FMNL2: variants seen among roughly 807,000 people sequenced by gnomAD.
The protein encoded by FMNL2 is formin like 2, also known as formin-like protein 2.
In FMNL2, 51 loss-of-function variants were observed where a neutral mutation model predicts 130.2. The observed-to-expected ratio is 0.39, with a 90% CI of 0.31 to 0.49. The LOEUF is 0.49. Ranked by LOEUF, FMNL2 falls within the 20% of genes least tolerant of loss-of-function variation. The pLI is 0.85. For synonymous variants in FMNL2, 465 were observed against 467.1 expected (o/e 1.00, Z 0.06); for missense variants, 977 against 1,316.2 (o/e 0.74, Z 3.99).
intron 6 of FMNL2, among the ~76,000 whole-genome samples, chr2:152,564,650 T>C (rs1487165645): frequency 1.3e-5 from 2 of 152,056 alleles, no homozygotes; most frequent in Non-Finnish European, 2.9e-5. Context: ...TGAGAATTGC[T>C]TGAACCTGGG....
At chr2:152,466,211 G>A (rs753675877) in intron 1 of FMNL2, among the ~76,000 whole-genome samples, 7 of 152,152 alleles carry the variant, frequency 4.6e-5, no homozygotes, top group Non-Finnish European at 7.3e-5. Context: ...GTCACTTGGC[G>A]CCTCCATCCG....
intron 1 of FMNL2, among the ~76,000 whole-genome samples, chr2:152,448,844 T>G (rs910586044): frequency 4.6e-5 from 7 of 152,254 alleles, no homozygotes; most frequent in Admixed American, 2.0e-4. Flanking sequence ...GATAGCTGAT[T>G]ACATGCGTGT....
intron 1 of FMNL2, among the ~76,000 whole-genome samples, chr2:152,469,526 T>C (rs1050016288): frequency 2.0e-5 from 3 of 152,364 alleles, no homozygotes; most frequent in Middle Eastern, 3.4e-3. Context: ...TTTGTTATTC[T>C]GCATGTTGCC....
chr2:152,521,172 AG>A (rs1693064738), intron 1 of FMNL2, among the ~76,000 whole-genome samples: 1 of 152,200 alleles, frequency 6.6e-6, no homozygotes, highest in African/African-American at 2.4e-5. Context: ...ATCCAAACCT[AG>A]TATCTTAAAA....
At chr2:152,341,477 A>T (rs975681710) in intron 1 of FMNL2, among the ~76,000 whole-genome samples, 2 of 152,166 alleles carry the variant, frequency 1.3e-5, no homozygotes, top group Non-Finnish European at 2.9e-5. Flanking sequence ...AAGTGATAAG[A>T]AGTACTTTGG....
At chr2:152,640,192 G>A in intron 24 of FMNL2, 136 bp downstream of exon 24, 2 of 667,716 alleles carry the variant, frequency 3.0e-6, no homozygotes, top group Non-Finnish European at 5.0e-6. Context: ...TGGACACTTG[G>A]CAAATGGAAA....
At chr2:152,382,602 A>G (rs1375290190) in intron 1 of FMNL2, among the ~76,000 whole-genome samples, 1 of 152,110 alleles carries the variant, frequency 6.6e-6, no homozygotes, top group African/African-American at 2.4e-5. Context: ...TGTATTATGG[A>G]CTTGAAATTT....
At chr2:152,557,746 A>G (rs1027951514) in intron 4 of FMNL2, among the ~76,000 whole-genome samples, 56 of 152,208 alleles carry the variant, frequency 3.7e-4, no homozygotes, top group African/African-American at 1.3e-3. Context: ...CATAGTCACT[A>G]TCATGTCCAT....
chr2:152,625,230 A>G (rs1681699319), intron 15 of FMNL2: 1 of 486,298 alleles, frequency 2.1e-6, no homozygotes, highest in African/African-American at 1.9e-5. Context: ...TTTTAATACA[A>G]TGATGTGTTA....
At chr2:152,428,202 T>C (rs1285207057) in intron 1 of FMNL2, among the ~76,000 whole-genome samples, 1 of 152,210 alleles carries the variant, frequency 6.6e-6, no homozygotes, top group African/African-American at 2.4e-5. Flanking sequence ...TCCAAAAATG[T>C]TTTAAGTGAC....
chr2:152,458,509 C>T (rs183716637), intron 1 of FMNL2, among the ~76,000 whole-genome samples: 1 of 152,276 alleles, frequency 6.6e-6, no homozygotes. Flanking sequence ...TCTATGAAAT[C>T]CTGCGACATT....
At position 152,632,144 on chromosome 2, in the gene FMNL2, G is replaced by A. The variant is rs1237682799; in HGVS notation, c.2680+7G>A. 6.2e-7 allele frequency: 1 copy of A among 1,608,750 alleles called. No individual in the cohort carries two copies. The highest frequency in any genetic ancestry group is 8.5e-7 in the Non-Finnish European group (1 of 1,177,810). On this transcript the variant is annotated splice_region_variant and intron_variant, in intron 21 of 25. Coordinates refer to ENST00000288670, the MANE Select transcript of FMNL2 (RefSeq NM_052905.4). ...GTGGAAAAAGCTGCTGCAGGTACTT[G>A]ATTTCAGCTATTACCGTTCGTCTTG... is the stretch of plus-strand genomic sequence containing the variant.
chr2:152,554,266 G>A (rs181028060), intron 4 of FMNL2, among the ~76,000 whole-genome samples: 199 of 152,268 alleles, frequency 1.3e-3, no homozygotes, highest in Non-Finnish European at 2.2e-3. Flanking sequence ...AATTAACCAG[G>A]TGTGGTGGCA....
At chr2:152,386,915 TC>T (rs1307081002) in intron 1 of FMNL2, among the ~76,000 whole-genome samples, 2 of 152,080 alleles carry the variant, frequency 1.3e-5, no homozygotes, top group Admixed American at 1.3e-4. Context: ...GCTTTAGGAG[TC>T]TAGGAGACTC....
At chr2:152,596,318 T>C (rs1391149291) in intron 9 of FMNL2, among the ~76,000 whole-genome samples, 1 of 152,156 alleles carries the variant, frequency 6.6e-6, no homozygotes, top group Non-Finnish European at 1.5e-5. Context: ...ATGAAGACAC[T>C]ATTGGTCTCT....
intron 2 of FMNL2, among the ~76,000 whole-genome samples, chr2:152,535,151 C>T (rs908293899): frequency 3.3e-5 from 5 of 152,192 alleles, no homozygotes; most frequent in African/African-American, 9.6e-5. Context: ...CATCCACTGT[C>T]GTTTGTTCTG....
chr2:152,410,348 C>T (rs777095649), intron 1 of FMNL2, among the ~76,000 whole-genome samples: 9 of 152,312 alleles, frequency 5.9e-5, no homozygotes, highest in Middle Eastern at 3.4e-3. Context: ...TGGCGTCTCA[C>T]TGCAGTAGTA....
At chr2:152,553,117 G>T (rs1695027472) in intron 4 of FMNL2, among the ~76,000 whole-genome samples, 1 of 152,122 alleles carries the variant, frequency 6.6e-6, no homozygotes, top group South Asian at 2.1e-4. Context: ...CTTAGTTGAT[G>T]TCTTCTCTCC....
intron 1 of FMNL2, among the ~76,000 whole-genome samples, chr2:152,418,105 C>T (rs1255148598): frequency 6.6e-6 from 1 of 152,128 alleles, no homozygotes; most frequent in Admixed American, 6.5e-5. Context: ...CTTAGACTCC[C>T]AAACTGCTAG....
Sources: allele counts gnomAD v4.1 joint callset (sites outside exome capture counted in the v4.1 genomes callset), GRCh38; gene constraint gnomAD v4.1.1; transcripts MANE v1.5; gene names NCBI Gene and HGNC (gene_info 2026-07-23, HGNC 2026-07-21).